Variants in GALNTL6 observed in about 807,000 individuals in gnomAD.
GALNTL6 encodes polypeptide N-acetylgalactosaminyltransferase like 6.
Under a neutral mutation model 73.7 loss-of-function variants are expected in GALNTL6, and 46 were observed. The observed-to-expected ratio is 0.62, with a 90% CI of 0.49 to 0.80. GALNTL6 has a LOEUF of 0.80. Ranked by LOEUF, GALNTL6 falls within the 30% of genes least tolerant of loss-of-function variation. The pLI is 0.00. For missense variants in GALNTL6, 604 were observed against 755.0 expected, an observed-to-expected ratio of 0.80 and a Z score of 2.34; for synonymous variants, 259 against 263.7, an observed-to-expected ratio of 0.98 and a Z score of 0.17.
chr4:172,546,127 T>C (rs1183091968), intron 5 of GALNTL6, among the ~76,000 whole-genome samples: 1 of 152,176 alleles, frequency 6.6e-6, no homozygotes, highest in Non-Finnish European at 1.5e-5. Flanking sequence ...CTGCATTTTA[T>C]GGATGACAAA....
intron 5 of GALNTL6, among the ~76,000 whole-genome samples, chr4:172,372,986 TAC>T (rs1408465000): frequency 2.0e-5 from 3 of 152,160 alleles, no homozygotes; most frequent in Non-Finnish European, 4.4e-5. Flanking sequence ...GCTTTCGACC[TAC>T]ACACCTTGTA....
chr4:171,956,032 G>T (rs1739037556), intron 2 of GALNTL6, among the ~76,000 whole-genome samples: 1 of 151,542 alleles, frequency 6.6e-6, no homozygotes, highest in Non-Finnish European at 1.5e-5. Context: ...GCCTCATTCT[G>T]TCACCTGTCA....
chr4:172,559,772 G>A (rs921611458), intron 5 of GALNTL6, among the ~76,000 whole-genome samples: 1 of 152,140 alleles, frequency 6.6e-6, no homozygotes, highest in Non-Finnish European at 1.5e-5. Flanking sequence ...CCAAGTGACT[G>A]AAAAATTCTG....
chr4:172,795,571 G>A (rs956537242), intron 5 of GALNTL6, among the ~76,000 whole-genome samples: 5 of 152,020 alleles, frequency 3.3e-5, no homozygotes, highest in African/African-American at 4.8e-5. Context: ...TACATAGTAG[G>A]TATATATATT....
chr4:172,913,695 A>C (rs1477106395), intron 8 of GALNTL6, among the ~76,000 whole-genome samples: 3 of 152,180 alleles, frequency 2.0e-5, no homozygotes, highest in Non-Finnish European at 4.4e-5. Context: ...TGAAAGAAAA[A>C]AGAGTGAAAA....
rs760164159 is a variant in GALNTL6, at chr4:172,688,478, C to G, written c.554-120883C>G. Among the ~76,000 whole-genome samples the G allele has an allele frequency of 5.3e-5, 8 of 152,304 alleles. No individual in the cohort carries two copies. In the South Asian group the frequency reaches 1.7e-3, roughly 32 times the overall value. On this transcript the variant is annotated intron_variant, in intron 5 of 12. Transcript: ENST00000506823. ...GAGGAAGTTGTCACCATTTGTGTTG[C>G]TTGGACCTCCACTTAAAGAGCTAAA...
intron 5 of GALNTL6, among the ~76,000 whole-genome samples, chr4:172,726,529 T>A (rs1190500184): frequency 6.6e-6 from 1 of 152,226 alleles, no homozygotes; most frequent in Non-Finnish European, 1.5e-5. Flanking sequence ...AGTTTTTGGC[T>A]ATTACTATAA....
At chr4:172,412,600 G>T (rs542380757) in intron 5 of GALNTL6, among the ~76,000 whole-genome samples, 11 of 152,190 alleles carry the variant, frequency 7.2e-5, no homozygotes, top group African/African-American at 1.2e-4. Flanking sequence ...GAAATATTTT[G>T]ATAGCTAAAC....
chr4:172,852,495 C>T (rs1743883542), intron 7 of GALNTL6, among the ~76,000 whole-genome samples: 1 of 152,132 alleles, frequency 6.6e-6, no homozygotes, highest in African/African-American at 2.4e-5. Flanking sequence ...GGGTGAGCAG[C>T]CACCTTCCAG....
intron 5 of GALNTL6, among the ~76,000 whole-genome samples, chr4:172,369,907 G>A (rs182950063): frequency 1.1e-4 from 16 of 152,324 alleles, no homozygotes; most frequent in African/African-American, 3.6e-4. Context: ...CCAACCCAGA[G>A]AGGGGCTCCC....
At chr4:171,862,502 G>A (rs542988354) in intron 2 of GALNTL6, among the ~76,000 whole-genome samples, 2 of 152,008 alleles carry the variant, frequency 1.3e-5, no homozygotes, top group African/African-American at 4.8e-5. Context: ...TGAGAATTTG[G>A]AAAATATATT....
intron 5 of GALNTL6, among the ~76,000 whole-genome samples, chr4:172,712,938 A>G (rs1284047023): frequency 6.6e-6 from 1 of 152,162 alleles, no homozygotes. Flanking sequence ...AGCAGATTAT[A>G]TAACCTCTGG....
At position 172,349,689 on chromosome 4, in the gene GALNTL6, A is replaced by G. The variant is rs959797447; in HGVS notation, c.553+1000A>G. Reference sequence around the variant, plus strand: ...CTGATTCAGAGGTTGCCTAGTATCTATATATACTGGGACTTACATGACAGA... The same window carrying G: ...CTGATTCAGAGGTTGCCTAGTATCTGTATATACTGGGACTTACATGACAGA... On this transcript the variant is annotated intron_variant, in intron 5 of 12. Transcript: ENST00000506823. Among the ~76,000 whole-genome samples, 4 of 152,170 alleles carry G rather than the reference A, an allele frequency of 2.6e-5. No individual in the cohort carries two copies. The East Asian group carries it at 5.8e-4, about 22-fold the overall frequency.
At chr4:172,567,950 A>G (rs2110941340) in intron 5 of GALNTL6, among the ~76,000 whole-genome samples, 1 of 152,332 alleles carries the variant, frequency 6.6e-6, no homozygotes, top group Non-Finnish European at 1.5e-5. Flanking sequence ...TGGGCCAGAT[A>G]TCTTATTACA....
intron 2 of GALNTL6, among the ~76,000 whole-genome samples, chr4:172,079,818 A>C (rs952259674): frequency 6.6e-6 from 1 of 151,990 alleles, no homozygotes; most frequent in Admixed American, 6.6e-5. Context: ...CCTACTGTCT[A>C]TCATGAACAC....
chr4:173,029,809 A>C (rs1753382630), intron 12 of GALNTL6, among the ~76,000 whole-genome samples: 1 of 152,162 alleles, frequency 6.6e-6, no homozygotes, highest in African/African-American at 2.4e-5. Flanking sequence ...AATTATCCCA[A>C]CCTGGATTTA....
chr4:171,851,250 C>A (rs1201381299), intron 2 of GALNTL6, among the ~76,000 whole-genome samples: 1 of 152,204 alleles, frequency 6.6e-6, no homozygotes, highest in Non-Finnish European at 1.5e-5. Flanking sequence ...AAACTTAGCT[C>A]ATCACTGGAT....
chr4:172,589,081 C>T (rs1159500204), intron 5 of GALNTL6, among the ~76,000 whole-genome samples: 1 of 151,984 alleles, frequency 6.6e-6, no homozygotes, highest in Admixed American at 6.6e-5. Flanking sequence ...TTTTATATGG[C>T]CAATTTTAAG....
intron 5 of GALNTL6, among the ~76,000 whole-genome samples, chr4:172,493,241 CA>C (rs1430347959): frequency 2.0e-5 from 3 of 151,930 alleles, no homozygotes; most frequent in African/African-American, 4.8e-5. Context: ...ATTATTTTTG[CA>C]AGACATTTTT....
Sources: gnomAD v4.1 joint callset for allele counts (sites outside exome capture counted in the v4.1 genomes callset) on GRCh38, gnomAD v4.1.1 for gene constraint, MANE v1.5 for transcripts, NCBI Gene and HGNC (gene_info 2026-07-23, HGNC 2026-07-21) for gene names.